Variants in EED observed in about 807,000 individuals in gnomAD.
The protein encoded by EED is polycomb protein EED.
A neutral mutation model predicts 61.0 loss-of-function variants in EED; 9 were observed. The observed-to-expected ratio is 0.15, with a 90% CI of 0.09 to 0.26. The LOEUF is 0.26. Ranked by LOEUF, EED falls within the 10% of genes least tolerant of loss-of-function variation. The probability of loss-of-function intolerance (pLI) is 1.00; values close to 1 mark genes in which losing one functional copy is unlikely to be tolerated. For synonymous variants in EED, 187 were observed against 174.4 expected (o/e 1.07, Z -0.57); for missense variants, 315 against 542.3 (o/e 0.58, Z 4.16).
intron 9 of EED, among the ~76,000 whole-genome samples, chr11:86,274,714 C>T (rs996541201): frequency 2.0e-5 from 3 of 152,166 alleles, no homozygotes; most frequent in Non-Finnish European, 4.4e-5. Context: ...TCTCCATTTA[C>T]ACTCTGGGTA....
At chr11:86,283,058 CAACA>C (rs971276913), downstream of EED, among the ~76,000 whole-genome samples, 2 of 152,018 alleles carry the variant, frequency 1.3e-5, no homozygotes, top group African/African-American at 4.8e-5. Context: ...AAAAAAAGAA[CAACA>C]AACAACAGGC....
At chr11:86,279,885 T>G (rs1460880130), downstream of EED, among the ~76,000 whole-genome samples, 2 of 152,198 alleles carry the variant, frequency 1.3e-5, no homozygotes, top group African/African-American at 4.8e-5. Context: ...GAAGTAAACC[T>G]TTATAGCAAG....
intron 1 of EED, 43 bp from the exon 2 acceptor site, chr11:86,250,253 G>C (rs372653874): frequency 2.8e-5 from 41 of 1,453,014 alleles, no homozygotes; most frequent in Admixed American, 1.1e-4. Flanking sequence ...GCTAAAAACA[G>C]TATTGCTGTT....
intron 3 of EED, among the ~76,000 whole-genome samples, chr11:86,254,330 T>A (rs1945613756): frequency 1.3e-5 from 2 of 150,562 alleles, no homozygotes; most frequent in South Asian, 2.1e-4. Context: ...ATGGTTTTTT[T>A]TTTTTTTTGA....
At position 86,245,233 on chromosome 11, in the gene EED, T is replaced by G. The variant is rs745543096; in HGVS notation, c.4T>G (p.Ser2Ala). Residue 2 changes from serine (S) to alanine (A), a missense_variant, in exon 1 of 12, where the codon TCC becomes GCC. This residue lies in a region of EED where 110 missense variants were observed against 86.9 expected (regional missense o/e 1.27). Coordinates refer to ENST00000263360, the MANE Select transcript of EED (RefSeq NM_003797.5). MSEREVSTAPAG... is the reference protein window; with the variant it reads MAEREVSTAPAG... ...ACCTGGAGGGAGGCGGAGGAATATGTCCGAGAGGGAAGTGTCGACTGCGCC... is the reference window on the plus strand; with the variant it reads ...ACCTGGAGGGAGGCGGAGGAATATGGCCGAGAGGGAAGTGTCGACTGCGCC... 2 of 1,612,920 alleles carry G rather than the reference T, an allele frequency of 1.2e-6. No individual in the cohort carries two copies. Among genetic ancestry groups the G allele is most frequent in the South Asian group, 1.1e-5 (1 of 91,034 alleles).
intron 7 of EED, chr11:86,264,898 T>G (rs1375300098): frequency 6.6e-6 from 1 of 152,234 alleles, no homozygotes; most frequent in Non-Finnish European, 1.5e-5. Flanking sequence ...ATCTCTTAGG[T>G]TGTTTTCCAT....
chr11:86,254,744 T>C (rs953144723), intron 3 of EED, among the ~76,000 whole-genome samples: 1 of 151,862 alleles, frequency 6.6e-6, no homozygotes, highest in African/African-American at 2.4e-5. Flanking sequence ...AGCCTCAGCC[T>C]CCTGAGTAGC....
At chr11:86,280,226 G>A (rs1946306887), downstream of EED, among the ~76,000 whole-genome samples, 1 of 152,148 alleles carries the variant, frequency 6.6e-6, no homozygotes, top group Non-Finnish European at 1.5e-5. Flanking sequence ...AGGTAGCTTG[G>A]ATTACAGGTG....
Position 86,266,193 on chromosome 11 carries a change from T to G in EED, c.837T>G (p.Asp279Glu). Residue 279 changes from aspartate to glutamate, a missense_variant, in exon 8 of 12, where the codon GAT becomes GAG. By Grantham distance (45) the Asp-to-Glu change is conservative. Transcript: ENST00000263360. The stretch of plus-strand genomic sequence containing the variant: ...TGAATGCAATTAAGGAATCTTATGA[T>G]TATAATCCAAATAAAACTAACAGGT... Reference protein sequence around the residue: ...RMMNAIKESYDYNPNKTNRPF... With the variant: ...RMMNAIKESYEYNPNKTNRPF... The G allele has an allele frequency of 6.3e-7, 1 of 1,598,950 alleles. No homozygotes were observed. Among genetic ancestry groups the G allele is most frequent in the East Asian group, 2.3e-5 (1 of 44,418 alleles).
intron 4 of EED, among the ~76,000 whole-genome samples, chr11:86,255,647 T>C (rs1339858474): frequency 6.6e-6 from 1 of 152,096 alleles, no homozygotes; most frequent in Non-Finnish European, 1.5e-5. Context: ...ATCATTTCAT[T>C]GTAGTTATAA....
chr11:86,246,334 T>G (rs1002879249), intron 1 of EED, among the ~76,000 whole-genome samples: 3 of 152,258 alleles, frequency 2.0e-5, no homozygotes, highest in African/African-American at 7.2e-5. Context: ...TAACAACTTG[T>G]GAATATCTTT....
chr11:86,256,664 G>C, intron 5 of EED, 152 bp downstream of exon 5: 1 of 751,222 alleles, frequency 1.3e-6, no homozygotes. Context: ...AGTCTTTTGA[G>C]ACGTTTGTCA....
At chr11:86,261,730 C>T (rs551868620) in intron 6 of EED, among the ~76,000 whole-genome samples, 1 of 152,338 alleles carries the variant, frequency 6.6e-6, no homozygotes, top group African/African-American at 2.4e-5. Flanking sequence ...AGATTTGCTG[C>T]TTGTACCTTC....
At chr11:86,246,085 G>A (rs1239382527) in intron 1 of EED, among the ~76,000 whole-genome samples, 1 of 152,216 alleles carries the variant, frequency 6.6e-6, no homozygotes, top group Non-Finnish European at 1.5e-5. Context: ...TCCTGGCTTC[G>A]CCAAGTGCGC....
chr11:86,281,963 T>A (rs1946329169), downstream of EED, among the ~76,000 whole-genome samples: 1 of 152,240 alleles, frequency 6.6e-6, no homozygotes, highest in African/African-American at 2.4e-5. Flanking sequence ...AAGACAGGGT[T>A]GTTTTTCTTA....
rs1158957036 is a variant in EED at position 86,250,313 on chromosome 11, A to G, written c.132A>G (p.Ile44Met). The change falls in exon 2 of 12, where the codon ATA (isoleucine) becomes ATG (methionine). Residue 44 changes from isoleucine to methionine, a missense_variant. Coordinates refer to ENST00000263360, the MANE Select transcript of EED (RefSeq NM_003797.5). ...GCTTACAGGATGACGCTGTCAGTAT[A>G]GAAAGTGGTACAAACACTGAACGCC... ...SGDENDDAVS[I>M]ESGTNTERPD... 4 of 1,584,236 alleles carry G rather than the reference A, an allele frequency of 2.5e-6. No individual in the cohort carries two copies. The highest frequency in any genetic ancestry group is 2.6e-6 in the Non-Finnish European group (3 of 1,168,308).
intron 2 of EED, among the ~76,000 whole-genome samples, chr11:86,251,312 T>C (rs1945524941): frequency 6.6e-6 from 1 of 152,182 alleles, no homozygotes; most frequent in Non-Finnish European, 1.5e-5. Context: ...TCAATTATAG[T>C]TTCATGTGCA....
At chr11:86,245,474 C>T (rs879492506) in intron 1 of EED, 131 bp downstream of exon 1, 17 of 767,016 alleles carry the variant, frequency 2.2e-5, no homozygotes, top group Middle Eastern at 3.3e-4. Flanking sequence ...CGCGGGCGTG[C>T]GGGAGAAAAT....
chr11:86,276,869 A>G, intron 9 of EED, 111 bp from the exon 10 acceptor site: 1 of 923,240 alleles, frequency 1.1e-6, no homozygotes, highest in East Asian at 2.8e-5. Context: ...AGATGGATTA[A>G]CCAGGTTCTA....
Sources: allele counts gnomAD v4.1 joint callset (sites outside exome capture counted in the v4.1 genomes callset), GRCh38; gene constraint gnomAD v4.1.1; regional missense constraint gnomAD v4.1.1; transcripts MANE v1.5; gene names NCBI Gene and HGNC (gene_info 2026-07-23, HGNC 2026-07-21).